SLC39A11: variants seen among roughly 807,000 people sequenced by gnomAD.
SLC39A11 encodes solute carrier family 39 member 11.
SLC39A11 carries 33 observed loss-of-function variants against 36.1 expected under a neutral mutation model. The observed-to-expected ratio is 0.91, with a 90% CI of 0.69 to 1.22. SLC39A11 has a LOEUF of 1.22. SLC39A11 is among the 50% of genes most tolerant of loss of function. SLC39A11 has a pLI of 0.00. For synonymous variants in SLC39A11, 166 were observed against 170.3 expected, an observed-to-expected ratio of 0.97 and a Z score of 0.20; for missense variants, 432 against 430.3, an observed-to-expected ratio of 1.00 and a Z score of -0.03.
chr17:72,870,020 T>TTTC (rs995442153), intron 5 of SLC39A11, among the ~76,000 whole-genome samples: 1 of 152,132 alleles, frequency 6.6e-6, no homozygotes, highest in African/African-American at 2.4e-5. Context: ...TTGCTTTTTT[T>TTTC]TTCTTCTTCT....
At chr17:73,081,379 AAACT>A (rs1192181611) in intron 3 of SLC39A11, among the ~76,000 whole-genome samples, 3 of 152,212 alleles carry the variant, frequency 2.0e-5, no homozygotes, top group South Asian at 2.1e-4. Context: ...GTGGGAATGT[AAACT>A]AACACAACCA....
At chr17:72,945,723 CCACACACCT>C (rs1046337247) in intron 5 of SLC39A11, among the ~76,000 whole-genome samples, 1 of 152,154 alleles carries the variant, frequency 6.6e-6, no homozygotes, top group Non-Finnish European at 1.5e-5. Flanking sequence ...CATCTCCCTC[CCACACACCT>C]CACTCCGCTA....
At chr17:72,892,133 G>A (rs1383480537) in intron 5 of SLC39A11, among the ~76,000 whole-genome samples, 1 of 152,110 alleles carries the variant, frequency 6.6e-6, no homozygotes, top group East Asian at 1.9e-4. Context: ...AAAGTTATTA[G>A]AGGCTGGGCG....
intron 6 of SLC39A11, among the ~76,000 whole-genome samples, chr17:72,793,716 TG>T (rs2076795566): frequency 6.6e-6 from 1 of 152,200 alleles, no homozygotes; most frequent in African/African-American, 2.4e-5. Flanking sequence ...AGGCGTGAGC[TG>T]CCACACCCAG....
intron 7 of SLC39A11, among the ~76,000 whole-genome samples, chr17:72,690,278 A>G (rs1009676063): frequency 2.0e-5 from 3 of 152,210 alleles, no homozygotes; most frequent in African/African-American, 4.8e-5. Flanking sequence ...AGAGGGGATG[A>G]AACCAAACCT....
intron 6 of SLC39A11, among the ~76,000 whole-genome samples, chr17:72,840,958 G>C (rs1288998658): frequency 1.3e-5 from 2 of 151,998 alleles, no homozygotes; most frequent in African/African-American, 2.4e-5. Flanking sequence ...GCGAGGCTGA[G>C]GCAGGAGAAT....
At chr17:73,056,238 G>A (rs2059665586) in intron 3 of SLC39A11, among the ~76,000 whole-genome samples, 1 of 151,152 alleles carries the variant, frequency 6.6e-6, no homozygotes, top group African/African-American at 2.4e-5. Context: ...GAATAATCTT[G>A]GCTCAATGTA....
intron 6 of SLC39A11, among the ~76,000 whole-genome samples, chr17:72,802,900 A>G (rs2077139752): frequency 6.6e-6 from 1 of 152,204 alleles, no homozygotes; most frequent in Non-Finnish European, 1.5e-5. Flanking sequence ...CACGACTGGG[A>G]GCCACCTTCA....
chr17:73,021,530 C>T (rs995079478), intron 4 of SLC39A11, among the ~76,000 whole-genome samples: 14 of 151,992 alleles, frequency 9.2e-5, no homozygotes, highest in Non-Finnish European at 1.8e-4. Flanking sequence ...TTAGTACAGA[C>T]GGGGTTTCAC....
chr17:73,073,080 C>T (rs2144565218), intron 3 of SLC39A11, among the ~76,000 whole-genome samples: 1 of 152,220 alleles, frequency 6.6e-6, no homozygotes, highest in South Asian at 2.1e-4. Flanking sequence ...CTCGGGAGGC[C>T]AAGGCACAAG....
chr17:73,034,050 A>G (rs932851084), intron 3 of SLC39A11, among the ~76,000 whole-genome samples: 1 of 152,200 alleles, frequency 6.6e-6, no homozygotes, highest in Admixed American at 6.5e-5. Flanking sequence ...CGGGCTGTCA[A>G]TAAAGACCAT....
intron 5 of SLC39A11, among the ~76,000 whole-genome samples, chr17:72,937,096 CCTT>C (rs2084819126): frequency 1.3e-5 from 2 of 152,218 alleles, no homozygotes; most frequent in Admixed American, 1.3e-4. Context: ...CAGCTGATAT[CCTT>C]CTCTCTTTGT....
At position 73,081,664 on chromosome 17, in the gene SLC39A11, C is replaced by CAT. The variant is rs796974079; in HGVS notation, c.147+3143_147+3144insAT. Among the ~76,000 whole-genome samples the CAT allele has an allele frequency of 9.4e-3, 1,155 of 122,468 alleles. 22 individuals are homozygous for CAT. The highest frequency in any genetic ancestry group is 0.069 in the East Asian group (328 of 4,762). 80.3% of individuals were successfully genotyped at this position (122,468 alleles called of 152,430 possible). Reference sequence around the variant, plus strand: ...ACACACACACACACACACACACACACACACACATATATATACACATATATG... The same window carrying CAT: ...ACACACACACACACACACACACACACATACACACATATATATACACATATATG... On this transcript the variant is annotated intron_variant, in intron 3 of 9. Transcript: ENST00000255559.
intron 6 of SLC39A11, among the ~76,000 whole-genome samples, chr17:72,816,226 T>G (rs188522458): frequency 3.0e-4 from 46 of 152,338 alleles, no homozygotes; most frequent in East Asian, 2.1e-3. Flanking sequence ...CAGATGGGAC[T>G]TGAACTTAGG....
intron 6 of SLC39A11, among the ~76,000 whole-genome samples, chr17:72,751,421 C>A (rs1391381746): frequency 6.6e-6 from 1 of 152,102 alleles, no homozygotes; most frequent in Non-Finnish European, 1.5e-5. Flanking sequence ...TAATTAGGTT[C>A]TTTCCTTCCT....
At chr17:72,716,990 TATAC>T (rs1195198246) in intron 7 of SLC39A11, among the ~76,000 whole-genome samples, 11 of 123,364 alleles carry the variant, frequency 8.9e-5, no homozygotes, top group Non-Finnish European at 1.6e-4. Flanking sequence ...AATATATATA[TATAC>T]ACACACACAC....
chr17:72,748,303 T>C (rs1190628481), intron 6 of SLC39A11, among the ~76,000 whole-genome samples: 8 of 134,618 alleles, frequency 5.9e-5, no homozygotes, highest in South Asian at 2.4e-4. Flanking sequence ...GCCTGGGCAA[T>C]AGAGGGAGAC....
chr17:72,775,863 G>T (rs1020761075), intron 6 of SLC39A11, among the ~76,000 whole-genome samples: 3 of 152,180 alleles, frequency 2.0e-5, no homozygotes. Flanking sequence ...TGAGAACTTG[G>T]CCCCGGCCGG....
At chr17:72,719,849 A>G (rs569439044) in intron 7 of SLC39A11, among the ~76,000 whole-genome samples, 19 of 152,170 alleles carry the variant, frequency 1.2e-4, no homozygotes, top group Non-Finnish European at 2.6e-4. Context: ...AAAGGGCCGC[A>G]GCATAAAAGC....
Sources: gnomAD v4.1 joint callset for allele counts (sites outside exome capture counted in the v4.1 genomes callset) on GRCh38, gnomAD v4.1.1 for gene constraint, MANE v1.5 for transcripts, NCBI Gene and HGNC (gene_info 2026-07-23, HGNC 2026-07-21) for gene names.